CDC27: variants seen among roughly 807,000 people sequenced by gnomAD.
The protein encoded by CDC27 is cell division cycle protein 27 homolog.
In CDC27, 27 loss-of-function variants were observed where a neutral mutation model predicts 109.7. That is an observed-to-expected ratio of 0.25 (90% CI 0.18 to 0.34). The LOEUF is 0.34. CDC27 is among the 10% of genes least tolerant of loss of function. The pLI is 1.00. For synonymous variants in CDC27, 266 were observed against 333.9 expected (o/e 0.80, Z 2.22); for missense variants, 579 against 960.2 (o/e 0.60, Z 5.25).
intron 2 of CDC27, among the ~76,000 whole-genome samples, chr17:47,176,063 C>T (rs570165050): frequency 2.0e-5 from 3 of 152,194 alleles, no homozygotes; most frequent in East Asian, 3.9e-4. Flanking sequence ...TGACTTAATA[C>T]ATGCACAGCA....
intron 15 of CDC27, among the ~76,000 whole-genome samples, chr17:47,130,177 C>T (rs1051349657): frequency 2.6e-5 from 4 of 151,976 alleles, no homozygotes; most frequent in Non-Finnish European, 4.4e-5. Context: ...CTGGCTAACA[C>T]GGTGAAACCC....
intron 14 of CDC27, among the ~76,000 whole-genome samples, chr17:47,133,024 T>TATATAC: frequency 2.1e-5 from 1 of 47,498 alleles, no homozygotes; most frequent in East Asian, 6.4e-4. Flanking sequence ...TATATATATA[T>TATATAC]ATATACACAC....
chr17:47,127,976 G>A (rs190408349), intron 16 of CDC27, among the ~76,000 whole-genome samples: 171 of 151,956 alleles, frequency 1.1e-3, no homozygotes, highest in Admixed American at 3.0e-3. Context: ...AAAGTGACGG[G>A]ATTATAGGGA....
At chr17:47,173,515 G>C (rs966380945) in intron 2 of CDC27, among the ~76,000 whole-genome samples, 2 of 152,090 alleles carry the variant, frequency 1.3e-5, no homozygotes, top group Admixed American at 1.3e-4. Context: ...CACCTTATAA[G>C]TTTTTAAAAA....
intron 1 of CDC27, among the ~76,000 whole-genome samples, chr17:47,187,016 T>C (rs1178511212): frequency 3.3e-5 from 5 of 152,204 alleles, no homozygotes; most frequent in Admixed American, 6.5e-5. Context: ...TTTATCATTG[T>C]AGCCAAAGTT....
chr17:47,122,303 T>A (rs2062004454), intron 18 of CDC27, 141 bp downstream of exon 18: 1 of 515,572 alleles, frequency 1.9e-6, no homozygotes, highest in East Asian at 3.0e-5. Context: ...TGTTATTACA[T>A]CACCCTGTTC....
intron 2 of CDC27, among the ~76,000 whole-genome samples, chr17:47,174,204 A>T (rs554897557): frequency 6.6e-6 from 1 of 152,388 alleles, no homozygotes; most frequent in Admixed American, 6.5e-5. Flanking sequence ...ACTTGGCAGC[A>T]GAAAAAGATA....
At chr17:47,181,789 G>A (rs977955082) in intron 1 of CDC27, 152 bp from the exon 2 acceptor site, 24 of 483,966 alleles carry the variant, frequency 5.0e-5, no homozygotes, top group Admixed American at 2.3e-4. Flanking sequence ...AGAGTGTGCC[G>A]GGCAAGGCTC....
chr17:47,171,718 C>T (rs1306384346), intron 3 of CDC27, among the ~76,000 whole-genome samples, 199 bp downstream of exon 3: 1 of 152,226 alleles, frequency 6.6e-6, no homozygotes, highest in East Asian at 1.9e-4. Flanking sequence ...CAGAGTTAAA[C>T]TCTATTATTT....
chr17:47,132,046 C>T (rs1335853552), intron 15 of CDC27, among the ~76,000 whole-genome samples: 1 of 146,160 alleles, frequency 6.8e-6, no homozygotes, highest in Non-Finnish European at 1.5e-5. Context: ...AAAATAAAAG[C>T]TCAGAGCAAT....
At chr17:47,127,880 T>C (rs1305556272) in intron 16 of CDC27, among the ~76,000 whole-genome samples, 3 of 151,848 alleles carry the variant, frequency 2.0e-5, no homozygotes, top group Non-Finnish European at 4.4e-5. Flanking sequence ...TTTTTGTATT[T>C]TTTTTGGTAG....
Position 47,137,216 on chromosome 17 carries a change from A to G in CDC27, c.1849T>C (p.Leu617=), listed in dbSNP as rs75731161. The G allele has an allele frequency of 5.5e-5, 89 of 1,612,080 alleles. No individual in the cohort carries two copies. The East Asian group carries it at 1.6e-3, about 30-fold the overall frequency. ...CGAAAACAAGCTAATGCTTTGTCCAATTCTTCAGTTAAGACAAACTCATGC... is the reference window on the plus strand; with the variant it reads ...CGAAAACAAGCTAATGCTTTGTCCAGTTCTTCAGTTAAGACAAACTCATGC... The part of the protein sequence containing the change: ...LGHEFVLTEE[L]DKALACFRNA... Residue 617 remains leucine (L), a synonymous_variant, in exon 14 of 19, where the codon TTG becomes CTG. Coordinates refer to ENST00000066544, the MANE Select transcript of CDC27 (RefSeq NM_001256.6).
chr17:47,138,995 G>C, intron 12 of CDC27, 104 bp from the exon 13 acceptor site: 3 of 729,936 alleles, frequency 4.1e-6, no homozygotes, highest in Non-Finnish European at 4.3e-6. Context: ...ATGCTGCCTT[G>C]TATTATGGTT....
At position 47,157,034 on chromosome 17, in the gene CDC27, A is replaced by T. The variant is rs2063329684; in HGVS notation, c.721T>A (p.Ser241Thr). ...GTTCCCAGTGGGACAGTATCAGGTG[A>T]AATTACAGCTGAATCAATATAAGAC... is the stretch of plus-strand genomic sequence containing the variant. Reference protein sequence around the residue: ...SVSYIDSAVISPDTVPLGTGT... With the variant: ...SVSYIDSAVITPDTVPLGTGT... Residue 241 changes from serine (S) to threonine (T), a missense_variant, in exon 7 of 19, where the codon TCA becomes ACA. Physicochemically the swap from Ser to Thr is moderately conservative, Grantham distance 58 (BLOSUM62 1). Around this residue, in one of 9 missense-constraint regions of CDC27, gnomAD observed 74 missense variants for 148.9 expected, o/e 0.50. Transcript: ENST00000066544. 2 of 1,581,826 alleles carry T rather than the reference A, an allele frequency of 1.3e-6. No individual in the cohort carries two copies. Among genetic ancestry groups the T allele is most frequent in the Admixed American group, 3.4e-5 (2 of 59,340 alleles).
chr17:47,144,711 G>C (rs11570511), intron 9 of CDC27, among the ~76,000 whole-genome samples: 1 of 152,066 alleles, frequency 6.6e-6, no homozygotes, highest in East Asian at 1.9e-4. Flanking sequence ...TAAACTTGTG[G>C]ACTAAACTAT....
At chr17:47,185,143 A>G (rs1360317290) in intron 1 of CDC27, among the ~76,000 whole-genome samples, 1 of 152,134 alleles carries the variant, frequency 6.6e-6, no homozygotes, top group Non-Finnish European at 1.5e-5. Flanking sequence ...ACAAACCTCT[A>G]TAAGTTGTAC....
At chr17:47,151,106 A>T (rs1262690565) in intron 9 of CDC27, among the ~76,000 whole-genome samples, 1 of 152,220 alleles carries the variant, frequency 6.6e-6, no homozygotes, top group Non-Finnish European at 1.5e-5. Flanking sequence ...ACAAATCGGA[A>T]ATTATTTTTA....
chr17:47,142,759 AC>A (rs780144743), intron 10 of CDC27, among the ~76,000 whole-genome samples: 4 of 152,004 alleles, frequency 2.6e-5, no homozygotes, highest in Non-Finnish European at 5.9e-5. Context: ...CCGCAACCCA[AC>A]CTCTGCCTCC....
Position 47,118,277 on chromosome 17 carries a change from G to A in CDC27, c.*2658C>T, listed in dbSNP as rs1202805804. The A allele has an allele frequency of 6.6e-6, 1 of 152,122 alleles. No individual in the cohort carries two copies. The highest frequency in any genetic ancestry group is 2.4e-5 in the African/African-American group (1 of 41,360). The allele number at this position is 152,122 out of a possible 1,614,324, so 9.4% of individuals were successfully genotyped here. On this transcript the variant is annotated 3_prime_UTR_variant, in exon 19 of 19. Transcript: ENST00000066544. ...TTTGTTTAAGGTACAACAGCAGCATGGTTCAAATGTTACTTGTAGTTCTCG... is the reference window on the plus strand; with the variant it reads ...TTTGTTTAAGGTACAACAGCAGCATAGTTCAAATGTTACTTGTAGTTCTCG...
Sources: allele counts gnomAD v4.1 joint callset (sites outside exome capture counted in the v4.1 genomes callset), GRCh38; gene constraint gnomAD v4.1.1; regional missense constraint gnomAD v4.1.1; transcripts MANE v1.5; gene names NCBI Gene and HGNC (gene_info 2026-07-23, HGNC 2026-07-21).